RUFY3: variants seen among roughly 807,000 people sequenced by gnomAD.
RUFY3 encodes protein RUFY3.
A neutral mutation model predicts 84.0 loss-of-function variants in RUFY3; 34 were observed. The observed-to-expected ratio is 0.40, with a 90% confidence interval of 0.31 to 0.54. The LOEUF is 0.54. Among genes scored for constraint, RUFY3 ranks in the 20% least tolerant of loss-of-function variants. The pLI is 0.39. For synonymous variants in RUFY3, 242 were observed against 252.9 expected (o/e 0.96, Z 0.41); for missense variants, 507 against 736.8 (o/e 0.69, Z 3.61).
intron 1 of RUFY3, among the ~76,000 whole-genome samples, chr4:70,749,516 C>T (rs974521057): frequency 1.1e-5 from 1 of 89,304 alleles, no homozygotes; most frequent in African/African-American, 3.8e-5. Flanking sequence ...TAAAGCCCAT[C>T]AAAAGGGTTT....
chr4:70,754,088 G>A (rs1346020957), intron 1 of RUFY3, among the ~76,000 whole-genome samples: 5 of 149,682 alleles, frequency 3.3e-5, no homozygotes, highest in African/African-American at 2.5e-5. Context: ...TGCTGTTGTC[G>A]CCCAGGCTGG....
intron 12 of RUFY3, chr4:70,792,773 T>A (rs1458720829): frequency 1.0e-6 from 1 of 985,282 alleles, no homozygotes; most frequent in African/African-American, 1.7e-5. Context: ...AGATTGGACT[T>A]GAACCAAAAT....
intron 9 of RUFY3, 48 bp from the exon 10 acceptor site, chr4:70,784,748 G>T: frequency 7.5e-7 from 1 of 1,339,734 alleles, no homozygotes; most frequent in Non-Finnish European, 1.0e-6. Flanking sequence ...GTCTAATTCT[G>T]TATAGATTAA....
chr4:70,773,509 A>G lies in RUFY3; in HGVS notation c.697-2A>G. 1 of 1,605,394 alleles carries G rather than the reference A, an allele frequency of 6.2e-7. No individual in the cohort carries two copies. Among genetic ancestry groups the G allele is most frequent in the Non-Finnish European group, 8.5e-7 (1 of 1,172,332 alleles). Reference sequence around the variant, plus strand: ...ATTAAAACCTGAAAATTCTCTCTGTAGGTTGGAGTTATAGATTTTTCAATG... The same window carrying G: ...ATTAAAACCTGAAAATTCTCTCTGTGGGTTGGAGTTATAGATTTTTCAATG... On this transcript the variant is annotated splice_acceptor_variant, in intron 5 of 17. Transcript: ENST00000381006. LOFTEE classifies it high-confidence loss of function.
chr4:70,806,712 G>T lies in RUFY3; in HGVS notation c.*53G>T. 6.2e-7 allele frequency: 1 copy of T among 1,600,432 alleles called. No homozygotes were observed. On this transcript the variant is annotated 3_prime_UTR_variant, in exon 18 of 18. Transcript: ENST00000381006. ...CGTTTATGCAGGCTCCTCTGTACCT[G>T]TGTTTTAGCTGTCAGGATCTCATAG...
chr4:70,775,950 A>AAAAAAAAAC (rs1727889230), intron 7 of RUFY3, among the ~76,000 whole-genome samples: 1 of 151,548 alleles, frequency 6.6e-6, no homozygotes, highest in South Asian at 2.1e-4. Flanking sequence ...TAAACAAAAA[A>AAAAAAAAAC]AAAAAAACGA....
At position 70,705,045 on chromosome 4, in the gene RUFY3, G is replaced by C. The variant is rs1044504160; in HGVS notation, c.109G>C (p.Gly37Arg). 1.6e-4 allele frequency: 196 copies of C among 1,248,498 alleles called. No individual in the cohort carries two copies. Among genetic ancestry groups the C allele is most frequent in the Non-Finnish European group, 1.9e-4 (193 of 999,520 alleles). The allele number at this position is 1,248,498 out of a possible 1,614,324, so 77.3% of individuals were successfully genotyped here. ...GGAGCCGCGCCGCGCTCCCGCCGGG[G>C]GCACGGACCGAGAGGGCGAGGCGGG... Residue 37 changes from glycine (G) to arginine (R), a missense_variant, in exon 1 of 12, where the codon GGC becomes CGC. Physicochemically the swap from Gly to Arg is moderately radical, Grantham distance 125. Transcript: ENST00000417478.
At chr4:70,804,761 C>CAAAAAAAAAA (rs1186156048) in intron 17 of RUFY3, among the ~76,000 whole-genome samples, 31 of 76,644 alleles carry the variant, frequency 4.0e-4, no homozygotes, top group African/African-American at 9.4e-4. Context: ...ACTAAAAATA[C>CAAAAAAAAAA]AAAAAAAAAA....
chr4:70,749,062 T>TTTTTC (rs571578972), intron 1 of RUFY3, among the ~76,000 whole-genome samples: 71 of 152,336 alleles, frequency 4.7e-4, no homozygotes, highest in African/African-American at 1.5e-3. Context: ...ATTTACATTG[T>TTTTTC]TTTTCTTTTC....
In RUFY3 at chr4:70,768,590, G is replaced by A; in HGVS notation, c.625G>A (p.Ala209Thr). 1 of 1,613,904 alleles carries A rather than the reference G, an allele frequency of 6.2e-7. No individual in the cohort carries two copies. Among genetic ancestry groups the A allele is most frequent in the Non-Finnish European group, 8.5e-7 (1 of 1,179,876 alleles). ...LMMEEEGAII[A>T]GLLVGLNVID... ...GATGGAAGAAGAAGGAGCCATAATT[G>A]CTGGTCTGTTGGTGGGTCTGAATGT... Residue 209 changes from alanine (A) to threonine (T), a missense_variant, in exon 5 of 18, where the codon GCT becomes ACT. Physicochemically the swap from Ala to Thr is moderately conservative, Grantham distance 58. Around this residue, in one of 4 missense-constraint regions of RUFY3, gnomAD observed 133 missense variants for 301.1 expected, o/e 0.44. Transcript: ENST00000381006.
chr4:70,793,630 C>G (rs138056310), intron 12 of RUFY3, 155 bp from the exon 13 acceptor site: 8 of 1,490,616 alleles, frequency 5.4e-6, no homozygotes, highest in Non-Finnish European at 7.2e-6. Flanking sequence ...TTTTCCCCCC[C>G]ATAATTTCTT....
chr4:70,704,978 T>G (rs984281998), exon 1 of RUFY3: 6 of 1,226,016 alleles, frequency 4.9e-6, no homozygotes, highest in Non-Finnish European at 1.0e-6. Context: ...GTGCCGAAAG[T>G]TGCAGCGAGG....
intron 1 of RUFY3, among the ~76,000 whole-genome samples, chr4:70,743,029 A>G (rs1177836401): frequency 1.3e-5 from 2 of 152,082 alleles, no homozygotes; most frequent in Non-Finnish European, 2.9e-5. Context: ...TTAGTGTGTA[A>G]TGTTTACTAT....
chr4:70,704,638 G>T, upstream of RUFY3: 1 of 229,470 alleles, frequency 4.4e-6, no homozygotes, highest in Non-Finnish European at 8.3e-6. Context: ...GGAGGACGCT[G>T]CCCCCTAGGG....
At position 70,727,856 on chromosome 4, in the gene RUFY3, C is replaced by G. The variant is rs1431419302; in HGVS notation, c.178+5105C>G. ...TGTTATGTATACGCATGTCCACATA[C>G]GTGAAGGGCAGGGATAGTATTACCT... is the stretch of plus-strand genomic sequence containing the variant. On this transcript the variant is annotated intron_variant, in intron 1 of 17. Transcript: ENST00000381006. Among the ~76,000 whole-genome samples, 4 of 151,490 alleles carry G rather than the reference C, an allele frequency of 2.6e-5. No homozygotes were observed. The South Asian group carries it at 8.3e-4, about 32-fold the overall frequency.
chr4:70,751,273 A>T (rs1418815265), intron 1 of RUFY3, among the ~76,000 whole-genome samples: 1 of 152,136 alleles, frequency 6.6e-6, no homozygotes, highest in Non-Finnish European at 1.5e-5. Context: ...TGATGTGTGG[A>T]CATGTTTTCA....
chr4:70,739,829 A>T (rs1261035527), intron 1 of RUFY3, among the ~76,000 whole-genome samples: 3 of 114,542 alleles, frequency 2.6e-5, no homozygotes, highest in African/African-American at 1.4e-4. Context: ...CTTAAAGTAT[A>T]AAAAAAAAAA....
chr4:70,794,506 A>G (rs1161454159), intron 13 of RUFY3, among the ~76,000 whole-genome samples: 1 of 152,134 alleles, frequency 6.6e-6, no homozygotes, highest in Non-Finnish European at 1.5e-5. Flanking sequence ...GCTTGAACCT[A>G]GGAAATGGAG....
intron 15 of RUFY3, among the ~76,000 whole-genome samples, chr4:70,801,496 A>G (rs1201446575): frequency 6.6e-6 from 1 of 152,214 alleles, no homozygotes; most frequent in Admixed American, 6.5e-5. Flanking sequence ...TTTGACTGTG[A>G]ACCTAACTGC....
Sources: allele counts gnomAD v4.1 joint callset (sites outside exome capture counted in the v4.1 genomes callset), GRCh38; gene constraint gnomAD v4.1.1; regional missense constraint gnomAD v4.1.1; transcripts MANE v1.5; gene names NCBI Gene and HGNC (gene_info 2026-07-23, HGNC 2026-07-21).